Variants in NCAM2 observed in about 807,000 individuals in gnomAD.
The protein encoded by NCAM2 is N-CAM-2.
In NCAM2, 30 loss-of-function variants were observed where a neutral mutation model predicts 98.1. That is an observed-to-expected ratio of 0.31 (90% CI 0.23 to 0.41). The LOEUF (loss-of-function observed/expected upper bound fraction) is 0.41, where lower values mean the gene tolerates loss of function less well. Ranked by LOEUF, NCAM2 falls within the 10% of genes least tolerant of loss-of-function variation. The pLI, the probability that NCAM2 is intolerant of heterozygous loss-of-function variation, is 1.00. For synonymous variants in NCAM2, 368 were observed against 342.4 expected (o/e 1.07, Z -0.83); for missense variants, 867 against 1,005.8 (o/e 0.86, Z 1.87).
chr21:21,021,995 TAA>T (rs2064447890), intron 1 of NCAM2, among the ~76,000 whole-genome samples: 1 of 152,048 alleles, frequency 6.6e-6, no homozygotes, highest in African/African-American at 2.4e-5. Context: ...ATACTTAGAA[TAA>T]AAGAAGAGAT....
chr21:21,081,862 A>C (rs1229653839), intron 1 of NCAM2, among the ~76,000 whole-genome samples: 1 of 151,706 alleles, frequency 6.6e-6, no homozygotes, highest in Non-Finnish European at 1.5e-5. Flanking sequence ...TCAGAGCTAA[A>C]AAACAAACAA....
At chr21:21,257,653 G>T (rs114063538) in intron 1 of NCAM2, among the ~76,000 whole-genome samples, 2 of 151,942 alleles carry the variant, frequency 1.3e-5, no homozygotes, top group Non-Finnish European at 2.9e-5. Context: ...CGCAGTCTCT[G>T]CTCACTGCAA....
At chr21:21,037,265 A>G (rs1247061126) in intron 1 of NCAM2, among the ~76,000 whole-genome samples, 1 of 152,160 alleles carries the variant, frequency 6.6e-6, no homozygotes, top group Non-Finnish European at 1.5e-5. Context: ...ATTAATAGCA[A>G]GTGACTATAG....
chr21:21,444,563 G>A (rs1434439469), intron 12 of NCAM2, among the ~76,000 whole-genome samples: 3 of 152,100 alleles, frequency 2.0e-5, no homozygotes, highest in African/African-American at 7.2e-5. Flanking sequence ...TTGGTCATGG[G>A]AGGGTGTATG....
chr21:21,185,113 A>G (rs938866655), intron 1 of NCAM2, among the ~76,000 whole-genome samples: 7 of 152,206 alleles, frequency 4.6e-5, no homozygotes, highest in African/African-American at 1.7e-4. Flanking sequence ...TGACAATTTA[A>G]TCTTCTGCAG....
intron 1 of NCAM2, among the ~76,000 whole-genome samples, chr21:21,263,704 C>T (rs756352075): frequency 6.6e-6 from 1 of 152,052 alleles, no homozygotes; most frequent in Non-Finnish European, 1.5e-5. Flanking sequence ...AATATAGCCA[C>T]ACACCTACAA....
At chr21:21,005,443 A>C (rs2064093789) in intron 1 of NCAM2, among the ~76,000 whole-genome samples, 1 of 152,210 alleles carries the variant, frequency 6.6e-6, no homozygotes, top group African/African-American at 2.4e-5. Context: ...ACCCATTTTC[A>C]GTAATTTTTA....
intron 4 of NCAM2, among the ~76,000 whole-genome samples, chr21:21,289,725 A>G (rs2073226560): frequency 6.6e-6 from 1 of 152,012 alleles, no homozygotes; most frequent in South Asian, 2.1e-4. Context: ...AGGTCAAACC[A>G]AGTCAGCACA....
chr21:21,161,823 A>G (rs188144208), intron 1 of NCAM2, among the ~76,000 whole-genome samples: 6 of 152,134 alleles, frequency 3.9e-5, no homozygotes, highest in Non-Finnish European at 8.8e-5. Context: ...TAATTAACGC[A>G]GTCGGGCCAG....
At chr21:21,168,527 G>A (rs996243165) in intron 1 of NCAM2, among the ~76,000 whole-genome samples, 1 of 152,108 alleles carries the variant, frequency 6.6e-6, no homozygotes, top group Non-Finnish European at 1.5e-5. Flanking sequence ...GATGACAGGG[G>A]TGTTTATTTA....
rs571298039 is a variant in NCAM2 at position 21,134,590 on chromosome 21, T to C, written c.55+135972T>C. Among the ~76,000 whole-genome samples, 4 of 152,374 alleles carry C rather than the reference T, an allele frequency of 2.6e-5. No individual in the cohort carries two copies. The East Asian group carries it at 5.8e-4, about 22-fold the overall frequency. ...AGTGTCCTAAAACTGTCTATCATTT[T>C]CATTAAAACTTTTTAATGTGCTAAT... is the stretch of plus-strand genomic sequence containing the variant. On this transcript the variant is annotated intron_variant, in intron 1 of 17. Transcript: ENST00000400546.
chr21:21,541,338 T>A lies in NCAM2; in HGVS notation c.*3381T>A, dbSNP rs1990224096. 1 of 151,716 alleles carries A rather than the reference T, an allele frequency of 6.6e-6. No homozygotes were observed. Among genetic ancestry groups the A allele is most frequent in the East Asian group, 1.9e-4 (1 of 5,194 alleles). 9.4% of individuals were successfully genotyped at this position (151,716 alleles called of 1,614,324 possible). A position where few individuals can be genotyped will look rare whatever the true frequency, so the allele number is the denominator to read the frequency against. On this transcript the variant is annotated 3_prime_UTR_variant, in exon 18 of 18. Transcript: ENST00000400546. Reference sequence around the variant, plus strand: ...TGCTGTCTTATTTACAGTCAGTAATTAAGTTCAATTCAAACTATTTTACCT... The same window carrying A: ...TGCTGTCTTATTTACAGTCAGTAATAAAGTTCAATTCAAACTATTTTACCT...
At chr21:21,497,994 T>C (rs561710984) in intron 15 of NCAM2, among the ~76,000 whole-genome samples, 1 of 152,216 alleles carries the variant, frequency 6.6e-6, no homozygotes, top group South Asian at 2.1e-4. Context: ...TAAATAGTAT[T>C]GTAAGGGACT....
At chr21:21,137,151 A>T (rs1443523131) in intron 1 of NCAM2, among the ~76,000 whole-genome samples, 1 of 152,108 alleles carries the variant, frequency 6.6e-6, no homozygotes. Context: ...AGCCACAATT[A>T]ATAAAGTTTG....
intron 8 of NCAM2, among the ~76,000 whole-genome samples, chr21:21,345,805 A>G (rs1182213548): frequency 1.3e-5 from 2 of 152,154 alleles, no homozygotes; most frequent in African/African-American, 4.8e-5. Context: ...GTACTACATC[A>G]AGGGCTTTGG....
chr21:21,471,922 A>C (rs763971577), intron 14 of NCAM2, among the ~76,000 whole-genome samples: 51 of 152,052 alleles, frequency 3.4e-4, no homozygotes, highest in Non-Finnish European at 6.3e-4. Flanking sequence ...TGGACTCTTC[A>C]TGAAAATTAA....
chr21:21,148,121 C>T (rs1426220648), intron 1 of NCAM2, among the ~76,000 whole-genome samples: 1 of 152,048 alleles, frequency 6.6e-6, no homozygotes, highest in East Asian at 1.9e-4. Flanking sequence ...TTGGGAAGGG[C>T]CATGTGCTTT....
chr21:21,297,937 T>TA (rs1363045101), intron 5 of NCAM2, among the ~76,000 whole-genome samples: 2 of 151,758 alleles, frequency 1.3e-5, no homozygotes, highest in Admixed American at 1.3e-4. Flanking sequence ...TGAGATTGGA[T>TA]AAAAAACACC....
intron 1 of NCAM2, among the ~76,000 whole-genome samples, chr21:21,181,936 T>C: frequency 6.6e-6 from 1 of 151,390 alleles, no homozygotes; most frequent in Non-Finnish European, 1.5e-5. Flanking sequence ...CTTATGCCTA[T>C]AATCCCAGCA....
Sources: gnomAD v4.1 joint callset for allele counts (sites outside exome capture counted in the v4.1 genomes callset) on GRCh38, gnomAD v4.1.1 for gene constraint, MANE v1.5 for transcripts, NCBI Gene and HGNC (gene_info 2026-07-23, HGNC 2026-07-21) for gene names.